Variants in IL1RAPL1 observed in about 807,000 individuals in gnomAD.
IL1RAPL1 encodes interleukin-1 receptor accessory protein-like 1.
IL1RAPL1 carries 3 observed loss-of-function variants against 48.4 expected under a neutral mutation model. The observed-to-expected ratio is 0.06, with a 90% CI of 0.03 to 0.16. IL1RAPL1 has a LOEUF of 0.16. IL1RAPL1 is among the 10% of genes least tolerant of loss of function. IL1RAPL1 has a pLI of 1.00. For missense variants in IL1RAPL1, 349 were observed against 530.6 expected (o/e 0.66, Z 3.36); for synonymous variants, 185 against 187.7 (o/e 0.99, Z 0.12).
In IL1RAPL1 at chrX:28,737,205, C is replaced by CTCTTTCTTTCTTTCTT. The variant is rs762616408; in HGVS notation, c.-24-52065_-24-52050dup. ...TTCTTTCCTTTCTCTTTCTTTCTTT[C>CTCTTTCTTTCTTTCTT]TCTTTCTTTCTTTCTTTCTTTCTTT... On this transcript the variant is annotated intron_variant, in intron 1 of 10. Transcript: ENST00000378993. 1.2e-3 allele frequency among the ~76,000 whole-genome samples: 58 copies of CTCTTTCTTTCTTTCTT among 50,269 alleles called. 1 individual carries two copies. The highest frequency in any genetic ancestry group is 1.4e-3 in the Admixed American group (5 of 3,702). The allele number at this position is 50,269 out of a possible 115,157, so 43.7% of individuals were successfully genotyped here.
chrX:29,739,966 A>T (rs1928155362), intron 6 of IL1RAPL1, among the ~76,000 whole-genome samples: 1 of 108,902 alleles, frequency 9.2e-6, no homozygotes, highest in African/African-American at 3.3e-5. Flanking sequence ...AGGCTGAGGC[A>T]GGAGAATCGC....
intron 2 of IL1RAPL1, among the ~76,000 whole-genome samples, chrX:28,956,038 A>G (rs1295556821): frequency 9.4e-6 from 1 of 106,150 alleles, no homozygotes; most frequent in Non-Finnish European, 1.9e-5. Context: ...GCAATTGTGA[A>G]TGGGAGCTCA....
intron 2 of IL1RAPL1, among the ~76,000 whole-genome samples, chrX:28,980,061 C>G (rs1031581345): frequency 2.7e-5 from 3 of 112,137 alleles, no homozygotes; most frequent in African/African-American, 9.7e-5. Context: ...AGCCTTTTAG[C>G]TAAGACTCAG....
At chrX:29,207,546 A>G (rs1005155321) in intron 2 of IL1RAPL1, among the ~76,000 whole-genome samples, 3 of 112,154 alleles carry the variant, frequency 2.7e-5, no homozygotes, top group Admixed American at 1.9e-4. Context: ...GAACAGTTCA[A>G]TGGATAACTA....
chrX:29,942,560 A>G (rs1933148106), intron 9 of IL1RAPL1, among the ~76,000 whole-genome samples: 1 of 111,611 alleles, frequency 9.0e-6, no homozygotes, highest in Admixed American at 9.6e-5. Flanking sequence ...TAAACCAGCA[A>G]GATGGGAAGC....
chrX:29,877,864 T>G (rs754940150), intron 6 of IL1RAPL1, among the ~76,000 whole-genome samples: 1 of 111,939 alleles, frequency 8.9e-6, no homozygotes, highest in Admixed American at 9.5e-5. Flanking sequence ...AAAATCATCA[T>G]GGAAAAAATG....
chrX:29,228,175 C>T (rs772994236), intron 2 of IL1RAPL1, among the ~76,000 whole-genome samples: 2 of 66,763 alleles, frequency 3.0e-5, no homozygotes, highest in East Asian at 1.1e-3. Flanking sequence ...CGGACACACG[C>T]GTGCACACAC....
chrX:29,088,466 A>C (rs1928003168), intron 2 of IL1RAPL1, among the ~76,000 whole-genome samples: 1 of 109,918 alleles, frequency 9.1e-6, no homozygotes, highest in African/African-American at 3.3e-5. Context: ...ACCTGAGGTC[A>C]AGAGTTCAAG....
intron 2 of IL1RAPL1, among the ~76,000 whole-genome samples, chrX:28,904,423 G>A (rs186398684): frequency 4.5e-5 from 5 of 112,052 alleles, no homozygotes; most frequent in African/African-American, 1.6e-4. Flanking sequence ...CAGCCACAGC[G>A]TCACTGAGCA....
intron 2 of IL1RAPL1, among the ~76,000 whole-genome samples, chrX:29,019,614 G>A (rs763866545): frequency 1.2e-4 from 13 of 111,176 alleles, no homozygotes; most frequent in Non-Finnish European, 2.3e-4. Context: ...TGAGGTAGTT[G>A]GTGTTGATTT....
At chrX:29,929,416 A>G (rs1932920963) in intron 8 of IL1RAPL1, among the ~76,000 whole-genome samples, 1 of 111,950 alleles carries the variant, frequency 8.9e-6, no homozygotes, top group African/African-American at 3.2e-5. Flanking sequence ...AAGAGCATAT[A>G]TGATACTGGG....
At chrX:29,299,443 T>C (rs1306347136) in intron 3 of IL1RAPL1, among the ~76,000 whole-genome samples, 1 of 111,850 alleles carries the variant, frequency 8.9e-6, no homozygotes, top group Non-Finnish European at 1.9e-5. Flanking sequence ...ATATAGTATT[T>C]TCTCTCTCCT....
chrX:28,855,486 T>A (rs1162866591), intron 2 of IL1RAPL1, among the ~76,000 whole-genome samples: 1 of 112,001 alleles, frequency 8.9e-6, no homozygotes, highest in Non-Finnish European at 1.9e-5. Flanking sequence ...AGTAATGGAA[T>A]AATACCTTTT....
At chrX:29,301,416 T>G (rs758464112) in intron 3 of IL1RAPL1, among the ~76,000 whole-genome samples, 27 of 112,334 alleles carry the variant, frequency 2.4e-4, no homozygotes, top group African/African-American at 8.4e-4. Flanking sequence ...ATAAAAATGT[T>G]ATTTTCTGCC....
At chrX:29,839,731 C>T (rs1485877889) in intron 6 of IL1RAPL1, among the ~76,000 whole-genome samples, 3 of 111,680 alleles carry the variant, frequency 2.7e-5, no homozygotes, top group African/African-American at 6.5e-5. Context: ...ACCTGGCCAA[C>T]ACAGGGAGAA....
chrX:28,862,408 G>C (rs1921970109), intron 2 of IL1RAPL1, among the ~76,000 whole-genome samples: 1 of 112,002 alleles, frequency 8.9e-6, no homozygotes, highest in Non-Finnish European at 1.9e-5. Context: ...AACATCATGA[G>C]AGTCCTAGAG....
intron 2 of IL1RAPL1, among the ~76,000 whole-genome samples, chrX:29,034,775 ACTT>A (rs1481060513): frequency 9.0e-6 from 1 of 111,505 alleles, no homozygotes; most frequent in African/African-American, 3.3e-5. Flanking sequence ...TCTTAGAGGA[ACTT>A]CTTCACCAGT....
chrX:29,446,393 A>T (rs187215850), intron 5 of IL1RAPL1, among the ~76,000 whole-genome samples: 42 of 111,684 alleles, frequency 3.8e-4, no homozygotes, highest in African/African-American at 1.2e-3. Flanking sequence ...GCGTCTTTTA[A>T]ATTAGGGTGT....
chrX:29,048,045 C>T (rs1441728583), intron 2 of IL1RAPL1, among the ~76,000 whole-genome samples: 1 of 111,298 alleles, frequency 9.0e-6, no homozygotes, highest in Non-Finnish European at 1.9e-5. Context: ...CTGTTATCTT[C>T]CATGAGGGAA....
Sources: allele counts gnomAD v4.1 joint callset (sites outside exome capture counted in the v4.1 genomes callset), GRCh38; gene constraint gnomAD v4.1.1; transcripts MANE v1.5; gene names NCBI Gene and HGNC (gene_info 2026-07-23, HGNC 2026-07-21).